Variants in CCSER1 observed in about 807,000 individuals in gnomAD.
The protein encoded by CCSER1 is serine-rich coiled-coil domain-containing protein 1.
Under a neutral mutation model 82.0 loss-of-function variants are expected in CCSER1, and 41 were observed. That is an observed-to-expected ratio of 0.50 (90% CI 0.39 to 0.65). The LOEUF is 0.65. Ranked by LOEUF, CCSER1 falls within the 30% of genes least tolerant of loss-of-function variation. The pLI is 0.00. For missense variants in CCSER1, 1,119 were observed against 1,064.2 expected (o/e 1.05, Z -0.72); for synonymous variants, 414 against 383.9 (o/e 1.08, Z -0.92).
chr4:91,543,965 C>T (rs762753950), intron 10 of CCSER1, among the ~76,000 whole-genome samples: 5 of 152,184 alleles, frequency 3.3e-5, no homozygotes, highest in African/African-American at 7.2e-5. Context: ...GGTCTTTTCA[C>T]ATAGTCCCAT....
At chr4:91,190,839 A>T (rs1734933082) in intron 10 of CCSER1, among the ~76,000 whole-genome samples, 1 of 152,166 alleles carries the variant, frequency 6.6e-6, no homozygotes, top group Non-Finnish European at 1.5e-5. Flanking sequence ...TTATTATTTT[A>T]TCCTTAAAAG....
chr4:90,921,900 A>G (rs1191543325), intron 8 of CCSER1, among the ~76,000 whole-genome samples: 7 of 152,038 alleles, frequency 4.6e-5, no homozygotes, highest in Admixed American at 2.0e-4. Flanking sequence ...TCCTTTACCT[A>G]TTACTACCTC....
intron 9 of CCSER1, among the ~76,000 whole-genome samples, chr4:91,034,880 A>G (rs1166864525): frequency 6.6e-6 from 1 of 152,184 alleles, no homozygotes; most frequent in Non-Finnish European, 1.5e-5. Context: ...ACAGAAATCT[A>G]TACTGGGATT....
chr4:91,093,012 C>G (rs1341302960), intron 10 of CCSER1, among the ~76,000 whole-genome samples: 1 of 152,058 alleles, frequency 6.6e-6, no homozygotes, highest in Admixed American at 6.6e-5. Context: ...TTTAATAGGC[C>G]TTTTTCTTTA....
intron 7 of CCSER1, among the ~76,000 whole-genome samples, chr4:90,730,792 C>T (rs1211701094): frequency 2.0e-5 from 3 of 151,932 alleles, no homozygotes; most frequent in African/African-American, 7.3e-5. Flanking sequence ...ACTGCAAAAG[C>T]AAGAGAATAC....
In CCSER1 at chr4:91,138,975, T is replaced by C. The variant is rs139514752; in HGVS notation, c.2217+52981T>C. The stretch of plus-strand genomic sequence containing the variant: ...TGAGGTTTGGGCTATGAATGATCTG[T>C]CACCCAGGTGGTGAGCATAGTACAT... On this transcript the variant is annotated intron_variant, in intron 10 of 10. Transcript: ENST00000509176. Among the ~76,000 whole-genome samples the C allele has an allele frequency of 5.7e-3, 871 of 152,292 alleles. 4 individuals carry two copies. Among genetic ancestry groups the C allele is most frequent in the Non-Finnish European group, 8.7e-3 (590 of 68,030 alleles).
chr4:90,574,612 C>T (rs1356207756), intron 5 of CCSER1, among the ~76,000 whole-genome samples: 1 of 151,852 alleles, frequency 6.6e-6, no homozygotes, highest in East Asian at 1.9e-4. Flanking sequence ...GTGTTATCAG[C>T]ATTGTGAGGA....
chr4:90,389,852 C>G (rs1750686037), intron 3 of CCSER1, among the ~76,000 whole-genome samples: 2 of 152,006 alleles, frequency 1.3e-5, no homozygotes, highest in Non-Finnish European at 2.9e-5. Flanking sequence ...TATAGAGATG[C>G]AGTCTTGCTA....
At chr4:91,383,712 A>G (rs1751087757) in intron 10 of CCSER1, among the ~76,000 whole-genome samples, 1 of 152,148 alleles carries the variant, frequency 6.6e-6, no homozygotes, top group South Asian at 2.1e-4. Context: ...AATCCCCATT[A>G]CACTTTATTT....
chr4:90,984,540 G>T (rs1736413640), intron 9 of CCSER1, among the ~76,000 whole-genome samples: 1 of 151,666 alleles, frequency 6.6e-6, no homozygotes, highest in African/African-American at 2.4e-5. Context: ...AGGGGAGTTT[G>T]TTTGGGAGAG....
intron 6 of CCSER1, among the ~76,000 whole-genome samples, chr4:90,674,008 A>G (rs1733313255): frequency 1.3e-5 from 2 of 151,986 alleles, no homozygotes; most frequent in Admixed American, 1.3e-4. Context: ...GCTGGGAGAT[A>G]TGGATGCTAA....
At chr4:90,563,938 C>A (rs866115654) in intron 5 of CCSER1, among the ~76,000 whole-genome samples, 1 of 152,128 alleles carries the variant, frequency 6.6e-6, no homozygotes. Context: ...TACATCTTTA[C>A]CAACTCCTTT....
At chr4:91,508,889 A>G (rs1405306045) in intron 10 of CCSER1, among the ~76,000 whole-genome samples, 2 of 151,862 alleles carry the variant, frequency 1.3e-5, no homozygotes, top group Non-Finnish European at 2.9e-5. Context: ...GTGATTCATA[A>G]TATTTCCCCT....
intron 1 of CCSER1, among the ~76,000 whole-genome samples, chr4:90,281,878 AT>A (rs758629413): frequency 4.1e-4 from 62 of 152,218 alleles, no homozygotes; most frequent in Non-Finnish European, 8.1e-4. Flanking sequence ...TATTCAATGA[AT>A]AAAAATCCAA....
chr4:91,118,600 G>C (rs1240349434), intron 10 of CCSER1, among the ~76,000 whole-genome samples: 1 of 152,108 alleles, frequency 6.6e-6, no homozygotes, highest in Non-Finnish European at 1.5e-5. Context: ...GTCTCATTTA[G>C]ATTGGTTAAC....
chr4:91,044,639 T>G (rs1287472728), intron 9 of CCSER1, among the ~76,000 whole-genome samples: 1 of 152,160 alleles, frequency 6.6e-6, no homozygotes, highest in African/African-American at 2.4e-5. Flanking sequence ...ATCCTCCATC[T>G]CAGGGCCTTT....
intron 6 of CCSER1, among the ~76,000 whole-genome samples, chr4:90,669,115 T>C (rs10516875): frequency 6.6e-6 from 1 of 151,750 alleles, no homozygotes; most frequent in South Asian, 2.1e-4. Context: ...ATATATAATA[T>C]AGTGAACTCC....
chr4:90,242,135 G>A (rs115444778), intron 1 of CCSER1, among the ~76,000 whole-genome samples: 1,910 of 152,076 alleles, frequency 0.013, 26 homozygotes, highest in African/African-American at 0.037. Flanking sequence ...GGTGAAATCC[G>A]GTCTTACTAA....
At chr4:90,967,214 G>A (rs1003126318) in intron 9 of CCSER1, among the ~76,000 whole-genome samples, 22 of 152,068 alleles carry the variant, frequency 1.4e-4, no homozygotes, top group Admixed American at 7.2e-4. Context: ...TTGGGAGGCC[G>A]AGGTGGGAAG....
Sources: allele counts gnomAD v4.1 joint callset (sites outside exome capture counted in the v4.1 genomes callset), GRCh38; gene constraint gnomAD v4.1.1; transcripts MANE v1.5; gene names NCBI Gene and HGNC (gene_info 2026-07-23, HGNC 2026-07-21).